Variants in GRM1 observed in about 807,000 individuals in gnomAD.
GRM1 encodes the protein metabotropic glutamate receptor 1.
In GRM1, 33 loss-of-function variants were observed where a neutral mutation model predicts 90.9. That is an observed-to-expected ratio of 0.36 (90% CI 0.28 to 0.49). GRM1 has a LOEUF of 0.49. Among genes scored for constraint, GRM1 ranks in the 20% least tolerant of loss-of-function variants. GRM1 has a pLI of 0.99. For synonymous variants in GRM1, 700 were observed against 613.2 expected, an observed-to-expected ratio of 1.14 and a Z score of -2.09; for missense variants, 1,190 against 1,534.3, an observed-to-expected ratio of 0.78 and a Z score of 3.75.
intron 1 of GRM1, among the ~76,000 whole-genome samples, chr6:146,057,432 C>G (rs1456754075): frequency 6.6e-6 from 1 of 152,204 alleles, no homozygotes; most frequent in South Asian, 2.1e-4. Context: ...AACGGCACAC[C>G]TTTTTGAATT....
intron 2 of GRM1, among the ~76,000 whole-genome samples, chr6:146,248,376 G>A (rs1158413881): frequency 2.0e-5 from 3 of 152,150 alleles, no homozygotes; most frequent in African/African-American, 7.2e-5. Flanking sequence ...ATCGAGGGAG[G>A]GACCTAGTAG....
chr6:146,369,866 A>G (rs1396802026), intron 5 of GRM1, among the ~76,000 whole-genome samples: 2 of 151,818 alleles, frequency 1.3e-5, no homozygotes, highest in Non-Finnish European at 2.9e-5. Context: ...TTTAACTCCA[A>G]TGTTTCTTTA....
At chr6:146,282,064 A>G (rs1201805800) in intron 2 of GRM1, among the ~76,000 whole-genome samples, 1 of 152,168 alleles carries the variant, frequency 6.6e-6, no homozygotes, top group Admixed American at 6.5e-5. Flanking sequence ...AAATTTAGGA[A>G]ATTTGAATGG....
intron 1 of GRM1, among the ~76,000 whole-genome samples, chr6:146,078,746 C>T (rs1018538705): frequency 2.0e-5 from 3 of 152,004 alleles, no homozygotes; most frequent in African/African-American, 4.8e-5. Context: ...TTAGTGATTC[C>T]AATCATGTAG....
At chr6:146,095,531 T>A (rs138978008) in intron 1 of GRM1, among the ~76,000 whole-genome samples, 23 of 152,232 alleles carry the variant, frequency 1.5e-4, no homozygotes, top group African/African-American at 5.5e-4. Context: ...AGAAATAGTA[T>A]CTCCTTTTCT....
intron 5 of GRM1, among the ~76,000 whole-genome samples, chr6:146,359,964 C>A (rs1775401859): frequency 6.8e-6 from 1 of 146,728 alleles, no homozygotes; most frequent in Admixed American, 6.7e-5. Context: ...TTCTCATAAG[C>A]ACCTTGGGAG....
rs915869188 is a variant in GRM1, at chr6:146,434,026, G to A, written c.2815G>A (p.Gly939Ser). 1.9e-6 allele frequency: 3 copies of A among 1,614,036 alleles called. No individual in the cohort carries two copies. The highest frequency in any genetic ancestry group is 2.5e-6 in the Non-Finnish European group (3 of 1,180,044). The change falls in exon 8 of 8, where the codon GGC becomes AGC. Residue 939 changes from glycine to serine, a missense_variant. Around this residue, in one of 10 missense-constraint regions of GRM1, gnomAD observed 400 missense variants for 360.8 expected, o/e 1.11. Transcript: ENST00000282753. ...VIKPLTKSYQ[G>S]SGKSLTFSDT... The stretch of plus-strand genomic sequence containing the variant: ...CAAGCCCCTCACTAAAAGTTACCAA[G>A]GCTCTGGCAAGAGCCTGACCTTTTC...
chr6:146,029,515 A>G lies in GRM1; in HGVS notation c.-3A>G. 2 of 1,612,368 alleles carry G rather than the reference A, an allele frequency of 1.2e-6. No homozygotes were observed. The highest frequency in any genetic ancestry group is 1.7e-6 in the Non-Finnish European group (2 of 1,178,428). On this transcript the variant is annotated 5_prime_UTR_variant, in exon 1 of 8. Transcript: ENST00000282753. ...GCAGGCTGTGGACCTCGTCCTCACC[A>G]CCATGGTCGGGCTCCTTTTGTTTTT...
chr6:146,159,300 T>C, intron 1 of GRM1, 48 bp from the exon 2 acceptor site: 1 of 1,611,492 alleles, frequency 6.2e-7, no homozygotes, highest in Non-Finnish European at 8.5e-7. Context: ...GTGTAAGTAG[T>C]GTTATTGCCA....
intron 2 of GRM1, among the ~76,000 whole-genome samples, chr6:146,211,481 A>G (rs1261383538): frequency 6.6e-6 from 1 of 152,234 alleles, no homozygotes; most frequent in Non-Finnish European, 1.5e-5. Flanking sequence ...ATATTTAATC[A>G]GGTTAAAACT....
chr6:146,295,364 C>T (rs1048016008), intron 2 of GRM1, among the ~76,000 whole-genome samples: 2 of 150,610 alleles, frequency 1.3e-5, no homozygotes, highest in Non-Finnish European at 2.9e-5. Context: ...GCTGGGATCA[C>T]AGGTGCCCAC....
rs6900307 is a variant in GRM1, at chr6:146,095,811, A to G, written c.701-63537A>G. Among the ~76,000 whole-genome samples the G allele has an allele frequency of 1.0e-2, 1,516 of 152,196 alleles. 22 individuals are homozygous for G. The highest frequency in any genetic ancestry group is 0.035 in the African/African-American group (1,439 of 41,530). On this transcript the variant is annotated intron_variant, in intron 1 of 7. Coordinates refer to ENST00000282753, the MANE Select transcript of GRM1 (RefSeq NM_001278064.2). The stretch of plus-strand genomic sequence containing the variant: ...AGCTTATGGTGGCGTTTTATACTCT[A>G]AGGTTGGAGGGAGCTTGACTTAGAA...
Position 146,399,771 on chromosome 6 carries a change from C to CTG in GRM1, c.2660+73_2660+74insGT, listed in dbSNP as rs1777092216. 23 of 1,029,444 alleles carry CTG rather than the reference C, an allele frequency of 2.2e-5. No homozygotes were observed. The highest frequency in any genetic ancestry group is 5.8e-4 in the Middle Eastern group (2 of 3,424). The allele number at this position is 1,029,444 out of a possible 1,614,324, so 63.8% of individuals were successfully genotyped here. On this transcript the variant is annotated intron_variant, in intron 7 of 7. Coordinates refer to ENST00000282753, the MANE Select transcript of GRM1 (RefSeq NM_001278064.2). This position sits in a 1 kb window ranked among gnomAD's most constrained non-coding sequence, Gnocchi z 5.4. The stretch of plus-strand genomic sequence containing the variant: ...TCTCTTTCTCTCTCTCTCTCTCTCT[C>CTG]TCTTTCTCTGTCTCTCATATCTTCC...
intron 2 of GRM1, among the ~76,000 whole-genome samples, chr6:146,293,012 G>C (rs1783043092): frequency 6.6e-6 from 1 of 151,908 alleles, no homozygotes; most frequent in South Asian, 2.1e-4. Flanking sequence ...AAAGAAGCTG[G>C]ATGCAAAAGT....
intron 1 of GRM1, among the ~76,000 whole-genome samples, chr6:146,057,965 A>C (rs1775536670): frequency 6.6e-6 from 1 of 152,086 alleles, no homozygotes; most frequent in South Asian, 2.1e-4. Context: ...TGGTGCACCC[A>C]TCACCCAAGC....
chr6:146,432,992 G>A (rs9497542), intron 7 of GRM1, among the ~76,000 whole-genome samples: 6,535 of 152,248 alleles, frequency 0.043, 486 homozygotes, highest in African/African-American at 0.15. Context: ...AGAGGTTTTC[G>A]TCTCAGTAAC....
At chr6:146,119,492 G>A (rs1315083303) in intron 1 of GRM1, among the ~76,000 whole-genome samples, 2 of 152,162 alleles carry the variant, frequency 1.3e-5, no homozygotes, top group Admixed American at 6.5e-5. Context: ...TGCTTTTGGT[G>A]TTTTAGATAT....
In GRM1 at chr6:146,235,701, CGTGTGTGTGTGTGTGT is replaced by C. The variant is rs71028383; in HGVS notation, c.951-68881_951-68866del. 5.7e-3 allele frequency among the ~76,000 whole-genome samples: 587 copies of C among 102,850 alleles called. 3 individuals are homozygous for C. Among genetic ancestry groups the C allele is most frequent in the Non-Finnish European group, 9.2e-3 (430 of 46,988 alleles). The allele number at this position is 102,850 out of a possible 152,430, so 67.5% of individuals were successfully genotyped here. A position where few individuals can be genotyped will look rare whatever the true frequency, so the allele number is the denominator to read the frequency against. On this transcript the variant is annotated intron_variant, in intron 2 of 7. Transcript: ENST00000282753. ...TCAAAGACATTTTCATCTCTGTTAC[CGTGTGTGTGTGTGTGT>C]GTGTGTGTGTGTGTGTGTGTGTGTG...
intron 7 of GRM1, among the ~76,000 whole-genome samples, chr6:146,413,434 GT>G (rs199671922): frequency 0.018 from 2,795 of 152,080 alleles, 36 homozygotes; most frequent in South Asian, 0.029. Context: ...TTTTAGGAAA[GT>G]TTTCTTGAAT....
Sources: gnomAD v4.1 joint callset for allele counts (sites outside exome capture counted in the v4.1 genomes callset) on GRCh38, gnomAD v4.1.1 for gene constraint, gnomAD v4.1.1 regional missense constraint, Gnocchi (gnomAD v3.1) non-coding constraint, MANE v1.5 for transcripts, NCBI Gene and HGNC (gene_info 2026-07-23, HGNC 2026-07-21) for gene names.